The following CSMD1 variants were observed in gnomAD, a reference collection of about 807,000 sequenced individuals.
The protein encoded by CSMD1 is CUB and Sushi multiple domains 1.
Under a neutral mutation model 417.5 loss-of-function variants are expected in CSMD1, and 213 were observed. The ratio of observed to expected loss-of-function variants is 0.51; its 90% CI spans 0.46 to 0.57. The LOEUF (loss-of-function observed/expected upper bound fraction) is 0.57. Ranked by LOEUF, CSMD1 falls within the 20% of genes least tolerant of loss-of-function variation. CSMD1 has a pLI of 0.00. For synonymous variants in CSMD1, 2,862 were observed against 1,736.8 expected, an observed-to-expected ratio of 1.65 and a Z score of -16.11; for missense variants, 6,923 against 4,529.7, an observed-to-expected ratio of 1.53 and a Z score of -15.17.
chr8:3,406,100 C>G lies in CSMD1; in HGVS notation c.2193G>C (p.Gln731His). Residue 731 changes from glutamine to histidine, a missense_variant, in exon 15 of 70, where the codon CAG (glutamine) becomes CAC (histidine). Gln to His is a conservative substitution (Grantham distance 24). Transcript: ENST00000635120. The part of the protein sequence containing the change: ...FHCDDGFVKT[Q>H]GSESITCILQ... ...GTATGCAGGTAATGGACTCGGATCC[C>G]TGGGTCTTGACAAAGCCATCATCAC... 6.2e-7 allele frequency: 1 copy of G among 1,613,950 alleles called. No individual in the cohort carries two copies. Among genetic ancestry groups the G allele is most frequent in the South Asian group, 1.1e-5 (1 of 91,074 alleles).
At chr8:3,997,778 G>A (rs997375035) in intron 5 of CSMD1, 125 bp downstream of exon 5, 4 of 814,954 alleles carry the variant, frequency 4.9e-6, no homozygotes, top group African/African-American at 1.7e-5. Flanking sequence ...AAAGAGCAAG[G>A]CGAAAAAAGG....
chr8:4,122,708 A>G (rs546595860), intron 3 of CSMD1, among the ~76,000 whole-genome samples: 1 of 152,176 alleles, frequency 6.6e-6, no homozygotes, highest in African/African-American at 2.4e-5. Context: ...TAAATGCTGT[A>G]ACCCAGGATT....
intron 1 of CSMD1, among the ~76,000 whole-genome samples, chr8:4,772,285 T>C (rs1376364458): frequency 2.6e-5 from 4 of 152,216 alleles, no homozygotes. Flanking sequence ...ACCAGTCCTT[T>C]ACACGTCAAA....
intron 7 of CSMD1, among the ~76,000 whole-genome samples, chr8:3,692,808 C>A (rs1291418143): frequency 2.0e-5 from 3 of 152,080 alleles, no homozygotes; most frequent in African/African-American, 4.8e-5. Flanking sequence ...CCTCTGGACC[C>A]TAATATGCAT....
chr8:4,687,674 G>A (rs923515275), intron 1 of CSMD1, among the ~76,000 whole-genome samples: 1 of 152,160 alleles, frequency 6.6e-6, no homozygotes, highest in African/African-American at 2.4e-5. Context: ...ATGAGCTGCC[G>A]CTGTTTTTGA....
intron 2 of CSMD1, among the ~76,000 whole-genome samples, chr8:4,520,379 T>C (rs1400453779): frequency 6.6e-6 from 1 of 152,188 alleles, no homozygotes; most frequent in African/African-American, 2.4e-5. Context: ...AAGACGACTT[T>C]TCTTCATATA....
At chr8:4,229,925 G>C (rs1215328412) in intron 3 of CSMD1, among the ~76,000 whole-genome samples, 1 of 152,154 alleles carries the variant, frequency 6.6e-6, no homozygotes, top group South Asian at 2.1e-4. Context: ...TGTTGATTGA[G>C]TGAATATCTT....
At chr8:4,439,258 T>TA (rs1228011362) in intron 2 of CSMD1, among the ~76,000 whole-genome samples, 3 of 152,220 alleles carry the variant, frequency 2.0e-5, no homozygotes, top group East Asian at 3.9e-4. Context: ...ATTAAACAAA[T>TA]TAAACAACTA....
intron 6 of CSMD1, among the ~76,000 whole-genome samples, chr8:3,711,580 G>C (rs1232348121): frequency 6.6e-6 from 1 of 152,154 alleles, no homozygotes; most frequent in Non-Finnish European, 1.5e-5. Context: ...CTCTTCATGT[G>C]TGTGTTTTCT....
At chr8:3,179,473 T>C (rs1821172915) in intron 37 of CSMD1, among the ~76,000 whole-genome samples, 2 of 152,208 alleles carry the variant, frequency 1.3e-5, no homozygotes, top group African/African-American at 2.4e-5. Context: ...AGAAATATGT[T>C]AGTCTCTCTT....
intron 5 of CSMD1, among the ~76,000 whole-genome samples, chr8:3,881,321 A>G (rs545492735): frequency 6.6e-6 from 1 of 151,398 alleles, no homozygotes; most frequent in Admixed American, 6.6e-5. Context: ...AGCAAAGAAG[A>G]CTGAATATAT....
At chr8:4,715,023 T>C (rs904632921) in intron 1 of CSMD1, among the ~76,000 whole-genome samples, 2 of 152,216 alleles carry the variant, frequency 1.3e-5, no homozygotes, top group Non-Finnish European at 2.9e-5. Context: ...CATTTTAACA[T>C]TTCAAGCATT....
At chr8:4,641,656 T>C (rs1803198402) in intron 1 of CSMD1, among the ~76,000 whole-genome samples, 1 of 152,100 alleles carries the variant, frequency 6.6e-6, no homozygotes, top group Non-Finnish European at 1.5e-5. Flanking sequence ...CCCAGTTATA[T>C]CTCCACGAAC....
intron 1 of CSMD1, among the ~76,000 whole-genome samples, chr8:4,885,434 G>C (rs1009505622): frequency 6.6e-6 from 1 of 152,044 alleles, no homozygotes; most frequent in Non-Finnish European, 1.5e-5. Flanking sequence ...AAAGCGTTTA[G>C]TCTTTTAACA....
At chr8:4,073,217 A>T (rs534479519) in intron 3 of CSMD1, among the ~76,000 whole-genome samples, 5 of 152,308 alleles carry the variant, frequency 3.3e-5, no homozygotes, top group Admixed American at 1.3e-4. Context: ...ACTTGTTTTT[A>T]AAAATAAAAA....
chr8:4,429,370 C>T (rs1396767209), intron 2 of CSMD1, among the ~76,000 whole-genome samples: 4 of 152,178 alleles, frequency 2.6e-5, no homozygotes, highest in African/African-American at 9.6e-5. Context: ...ACATTTTACA[C>T]ACACACATCT....
chr8:3,185,406 C>G (rs1821685685), intron 36 of CSMD1, among the ~76,000 whole-genome samples: 1 of 152,158 alleles, frequency 6.6e-6, no homozygotes, highest in Non-Finnish European at 1.5e-5. Context: ...CTAACTTTGG[C>G]TAATCCATCA....
chr8:3,209,997 G>T (rs1206120297), intron 30 of CSMD1, among the ~76,000 whole-genome samples: 1 of 152,116 alleles, frequency 6.6e-6, no homozygotes, highest in Non-Finnish European at 1.5e-5. Context: ...ACTTCAATAA[G>T]CAAAATTTGT....
Position 2,961,210 on chromosome 8 carries a change from A to G in CSMD1, c.9633T>C (p.Pro3211=). The change falls in exon 62 of 70, where the codon CCT becomes CCC. Residue 3211 remains proline (P), a synonymous_variant. Coordinates refer to ENST00000635120, the MANE Select transcript of CSMD1 (RefSeq NM_033225.6). ...WSGIQPTCID[P]AHNTCPDPGT... is the part of the protein sequence containing the mutation. ...CAGGGTCTGGGCAGGTGTTATGAGC[A>G]GGATCTGAAATTTGTGATTTAAAAA... 1 of 1,589,020 alleles carries G rather than the reference A, an allele frequency of 6.3e-7. No homozygotes were observed. The highest frequency in any genetic ancestry group is 8.6e-7 in the Non-Finnish European group (1 of 1,163,828).
Sources: gnomAD v4.1 joint callset for allele counts (sites outside exome capture counted in the v4.1 genomes callset) on GRCh38, gnomAD v4.1.1 for gene constraint, MANE v1.5 for transcripts, NCBI Gene and HGNC (gene_info 2026-07-23, HGNC 2026-07-21) for gene names.